AK8: variants seen among roughly 807,000 people sequenced by gnomAD.
AK8 encodes ATP-AMP transphosphorylase 8.
In AK8, 44 loss-of-function variants were observed where a neutral mutation model predicts 54.6. That is an observed-to-expected ratio of 0.81 (90% CI 0.63 to 1.04). The LOEUF is 1.04. AK8 is among the 50% of genes least tolerant of loss of function. The pLI, the probability that AK8 is intolerant of heterozygous loss-of-function variation, is 0.00. For missense variants in AK8, 555 were observed against 613.6 expected (o/e 0.90, Z 1.01); for synonymous variants, 239 against 245.6 (o/e 0.97, Z 0.25).
At chr9:132,730,784 T>C (rs1476982167) in intron 11 of AK8, among the ~76,000 whole-genome samples, 1 of 152,212 alleles carries the variant, frequency 6.6e-6, no homozygotes, top group African/African-American at 2.4e-5. Context: ...CTACTGGGTG[T>C]TGGGTGGGCT....
Position 132,791,677 on chromosome 9 carries a change from G to A in AK8, c.1121+957C>T, listed in dbSNP as rs569353664. Among the ~76,000 whole-genome samples, 50 of 152,286 alleles carry A rather than the reference G, an allele frequency of 3.3e-4. No homozygotes were observed. Among genetic ancestry groups the A allele is most frequent in the African/African-American group, 1.2e-3 (49 of 41,550 alleles). On this transcript the variant is annotated intron_variant, in intron 11 of 12. Transcript: ENST00000298545. This position sits in a 1 kb window ranked among gnomAD's most constrained non-coding sequence, Gnocchi z 4.0. ...AAGAGAAAGTTCAGAAACAGGCCCAGTATATTGAGAGACTAAACACACAGT... is the reference window on the plus strand; with the variant it reads ...AAGAGAAAGTTCAGAAACAGGCCCAATATATTGAGAGACTAAACACACAGT...
chr9:132,793,697 A>G (rs1840037445), intron 10 of AK8, among the ~76,000 whole-genome samples: 1 of 152,246 alleles, frequency 6.6e-6, no homozygotes, highest in African/African-American at 2.4e-5. Flanking sequence ...TGAAATTCAT[A>G]CGTCTCTTCC....
chr9:132,824,351 G>A (rs112822478), intron 8 of AK8, among the ~76,000 whole-genome samples: 1 of 152,182 alleles, frequency 6.6e-6, no homozygotes, highest in Non-Finnish European at 1.5e-5. Context: ...ACTCAGCCAG[G>A]GGTGGCCCCG....
At chr9:132,751,455 G>GCTGAGAAGC in intron 11 of AK8, among the ~76,000 whole-genome samples, 1 of 149,874 alleles carries the variant, frequency 6.7e-6, no homozygotes, top group African/African-American at 2.5e-5. Context: ...TATGATTCCA[G>GCTGAGAAGC]CTGAGAAGCC....
chr9:132,757,719 C>T (rs1204113665), intron 11 of AK8, among the ~76,000 whole-genome samples: 2 of 152,156 alleles, frequency 1.3e-5, no homozygotes, highest in African/African-American at 2.4e-5. Flanking sequence ...GGCCAGCCCC[C>T]CGAAACACTA....
chr9:132,836,755 C>T (rs1179794267), intron 5 of AK8, among the ~76,000 whole-genome samples: 5 of 152,236 alleles, frequency 3.3e-5, no homozygotes, highest in African/African-American at 1.2e-4. Flanking sequence ...CCAAGGTGGG[C>T]TCACGCCATT....
At chr9:132,772,824 A>G (rs1284928198) in intron 11 of AK8, among the ~76,000 whole-genome samples, 1 of 152,114 alleles carries the variant, frequency 6.6e-6, no homozygotes, top group Admixed American at 6.5e-5. Context: ...TGTGATAGCA[A>G]ATCAATGGTA....
At position 132,860,999 on chromosome 9, in the gene AK8, CA is replaced by C. The variant is rs961108834; in HGVS notation, c.333+2665del. Among the ~76,000 whole-genome samples, 2 of 152,180 alleles carry C rather than the reference CA, an allele frequency of 1.3e-5. No homozygotes were observed. The highest frequency in any genetic ancestry group is 2.9e-5 in the Non-Finnish European group (2 of 68,034). On this transcript the variant is annotated intron_variant, in intron 4 of 12. Transcript: ENST00000298545. The surrounding 1 kb of genome is among the most constrained non-coding windows in gnomAD (Gnocchi z 4.4). ...AGGGGGAGCAGGTGAGGGTGCAACC[CA>C]AGGCTAGACTGCCATGAGCTGACAT...
intron 10 of AK8, among the ~76,000 whole-genome samples, chr9:132,801,011 A>G (rs1380744524): frequency 6.9e-6 from 1 of 144,598 alleles, no homozygotes; most frequent in African/African-American, 2.6e-5. Flanking sequence ...TACAACCTCT[A>G]CCTCCTGAGT....
At chr9:132,824,383 C>G (rs1047130991) in intron 8 of AK8, among the ~76,000 whole-genome samples, 11 of 152,330 alleles carry the variant, frequency 7.2e-5, no homozygotes, top group African/African-American at 2.6e-4. Flanking sequence ...TGCCAGTCTG[C>G]CTTTACCAAT....
At chr9:132,737,620 A>G (rs1204699989) in intron 11 of AK8, among the ~76,000 whole-genome samples, 1 of 152,242 alleles carries the variant, frequency 6.6e-6, no homozygotes, top group Non-Finnish European at 1.5e-5. Context: ...TAGAAGAAAA[A>G]GTTTATAATC....
intron 10 of AK8, among the ~76,000 whole-genome samples, chr9:132,805,418 C>A (rs571380986): frequency 2.6e-5 from 4 of 152,210 alleles, no homozygotes; most frequent in African/African-American, 7.2e-5. Flanking sequence ...AGACCTACCC[C>A]CCTCCGGCAG....
At chr9:132,754,842 G>A (rs183883243) in intron 11 of AK8, among the ~76,000 whole-genome samples, 2 of 146,500 alleles carry the variant, frequency 1.4e-5, no homozygotes, top group African/African-American at 5.1e-5. Flanking sequence ...TCTTGTTGCC[G>A]AGGCTGGAGT....
At chr9:132,876,306 A>G (rs1453402425) in intron 1 of AK8, among the ~76,000 whole-genome samples, 2 of 152,234 alleles carry the variant, frequency 1.3e-5, no homozygotes, top group African/African-American at 4.8e-5. Context: ...TAAATATTTT[A>G]CATTTCATGT....
At chr9:132,848,352 C>T (rs528893750) in intron 5 of AK8, among the ~76,000 whole-genome samples, 5 of 152,222 alleles carry the variant, frequency 3.3e-5, no homozygotes, top group Admixed American at 2.6e-4. Context: ...GATTGTTTGG[C>T]ACTTCCTAGG....
At chr9:132,733,632 G>C (rs1443955560) in intron 11 of AK8, among the ~76,000 whole-genome samples, 1 of 152,242 alleles carries the variant, frequency 6.6e-6, no homozygotes, top group Non-Finnish European at 1.5e-5. Context: ...GGAAGCTTCT[G>C]ATTATCCTGG....
At chr9:132,839,567 T>C (rs1319487883) in intron 5 of AK8, among the ~76,000 whole-genome samples, 1 of 152,118 alleles carries the variant, frequency 6.6e-6, no homozygotes, top group Non-Finnish European at 1.5e-5. Context: ...GGGGACAGCA[T>C]CCCTCCGCAG....
chr9:132,762,457 A>G (rs1590210649), intron 11 of AK8, among the ~76,000 whole-genome samples: 1 of 152,268 alleles, frequency 6.6e-6, no homozygotes, highest in Non-Finnish European at 1.5e-5. Context: ...TGTTGGAGTG[A>G]CCCCAGGAAG....
At chr9:132,827,158 C>T (rs1460332213) in intron 7 of AK8, 104 bp from the exon 8 acceptor site, 1 of 1,213,210 alleles carries the variant, frequency 8.2e-7, no homozygotes, top group Non-Finnish European at 1.2e-6. Flanking sequence ...AGGCCCTACA[C>T]ATTCCTGGGG....
Sources: allele counts gnomAD v4.1 joint callset (sites outside exome capture counted in the v4.1 genomes callset), GRCh38; gene constraint gnomAD v4.1.1; non-coding constraint Gnocchi (gnomAD v3.1); transcripts MANE v1.5; gene names NCBI Gene and HGNC (gene_info 2026-07-23, HGNC 2026-07-21).